Variants in PCDHGA12 observed in about 807,000 individuals in gnomAD.
The protein encoded by PCDHGA12 is protocadherin gamma-A12.
In PCDHGA12, 43 loss-of-function variants were observed where a neutral mutation model predicts 61.1. That is an observed-to-expected ratio of 0.70 (90% CI 0.55 to 0.91). The LOEUF (loss-of-function observed/expected upper bound fraction) is 0.91, where lower values mean the gene tolerates loss of function less well. PCDHGA12 is among the 40% of genes least tolerant of loss of function. The pLI, the probability that PCDHGA12 is intolerant of heterozygous loss-of-function variation, is 0.00. For missense variants in PCDHGA12, 1,236 were observed against 1,227.7 expected, an observed-to-expected ratio of 1.01 and a Z score of -0.10; for synonymous variants, 520 against 542.9, an observed-to-expected ratio of 0.96 and a Z score of 0.59.
intron 1 of PCDHGA12, among the ~76,000 whole-genome samples, chr5:141,472,497 G>A (rs1196427013): frequency 1.3e-5 from 2 of 151,958 alleles, no homozygotes; most frequent in Non-Finnish European, 2.9e-5. Context: ...ACGAGATCGT[G>A]CCACTGCACT....
chr5:141,465,979 G>A (rs779605313), intron 1 of PCDHGA12, among the ~76,000 whole-genome samples: 9 of 151,846 alleles, frequency 5.9e-5, no homozygotes, highest in Non-Finnish European at 1.3e-4. Flanking sequence ...AAAATTAGCC[G>A]GGCATGGTGG....
chr5:141,440,878 C>A (rs1359689557), intron 1 of PCDHGA12: 1 of 152,146 alleles, frequency 6.6e-6, no homozygotes, highest in Non-Finnish European at 1.5e-5. Context: ...TGTACAGCGT[C>A]GGCCTTCAGG....
In PCDHGA12 at chr5:141,510,980, G is replaced by A; in HGVS notation, c.2606G>A (p.Gly869Asp). The change falls in exon 4 of 4, where the codon GGT becomes GAT. Residue 869 changes from glycine (G) to aspartate (D), a missense_variant. Transcript: ENST00000252085. ...AADGSSTLGGGAGTMGLSARY... is the reference protein window; with the variant it reads ...AADGSSTLGGDAGTMGLSARY... ...GATGGGAGCTCCACCCTGGGAGGGG[G>A]TGCCGGCACCATGGGATTGAGCGCC... 1 of 1,614,170 alleles carries A rather than the reference G, an allele frequency of 6.2e-7. No homozygotes were observed.
At chr5:141,458,519 T>C (rs974750749) in intron 1 of PCDHGA12, among the ~76,000 whole-genome samples, 1 of 152,110 alleles carries the variant, frequency 6.6e-6, no homozygotes, top group Non-Finnish European at 1.5e-5. Context: ...CTTTGTTTTT[T>C]TTTTTAACTT....
chr5:141,487,340 G>A lies in PCDHGA12; in HGVS notation c.2425-7467G>A, dbSNP rs2099643329. 6.2e-7 allele frequency: 1 copy of A among 1,614,182 alleles called. No individual in the cohort carries two copies. Among genetic ancestry groups the A allele is most frequent in the Admixed American group, 1.7e-5 (1 of 60,024 alleles). The stretch of plus-strand genomic sequence containing the variant: ...GTGTCTTCGTGGGGCAGCCTGTGGA[G>A]TCACATGCTTTCCTGCTGGCACCTG... On this transcript the variant is annotated intron_variant, in intron 1 of 3. Coordinates refer to ENST00000252085, the MANE Select transcript of PCDHGA12 (RefSeq NM_003735.3). This position sits in a 1 kb window ranked among gnomAD's most constrained non-coding sequence, Gnocchi z 5.0.
At position 141,432,716 on chromosome 5, in the gene PCDHGA12, C is replaced by A; in HGVS notation, c.1957C>A (p.Pro653Thr). 6.2e-7 allele frequency: 1 copy of A among 1,614,030 alleles called. No individual in the cohort carries two copies. The highest frequency in any genetic ancestry group is 1.1e-5 in the South Asian group (1 of 91,084). ...GGCCGTCCAGGACCACGGCCAGCCC[C>A]CTCTCTCCGCCACTGTCACGCTCAC... ...VVAVQDHGQP[P>T]LSATVTLTVA... The change falls in exon 1 of 4, where the codon CCT (proline) becomes ACT (threonine). Residue 653 changes from proline to threonine, a missense_variant. Pro to Thr is a conservative substitution (Grantham distance 38). Transcript: ENST00000252085. This position sits in a 1 kb window ranked among gnomAD's most constrained non-coding sequence, Gnocchi z 6.0.
chr5:141,456,884 A>G (rs1448469695), intron 1 of PCDHGA12, among the ~76,000 whole-genome samples: 1 of 151,974 alleles, frequency 6.6e-6, no homozygotes, highest in East Asian at 1.9e-4. Flanking sequence ...AATCGCTTGA[A>G]CCCGGGAGGC....
chr5:141,459,506 A>G (rs1156362858), intron 1 of PCDHGA12, among the ~76,000 whole-genome samples: 1 of 152,236 alleles, frequency 6.6e-6, no homozygotes, highest in East Asian at 1.9e-4. Flanking sequence ...GATGTGAACA[A>G]TCATGTACAA....
chr5:141,481,689 C>T (rs1198127143), intron 1 of PCDHGA12, among the ~76,000 whole-genome samples: 1 of 152,102 alleles, frequency 6.6e-6, no homozygotes, highest in Non-Finnish European at 1.5e-5. Context: ...CCTGGTGGCT[C>T]ACGCCTGTAA....
At chr5:141,498,921 AG>A (rs1289139995) in intron 2 of PCDHGA12, among the ~76,000 whole-genome samples, 1 of 140,074 alleles carries the variant, frequency 7.1e-6, no homozygotes, top group Non-Finnish European at 1.6e-5. Flanking sequence ...TGACAGAGCG[AG>A]ACTCCATCAG....
chr5:141,489,348 G>T lies in PCDHGA12; in HGVS notation c.2425-5459G>T. On this transcript the variant is annotated intron_variant, in intron 1 of 3. Coordinates refer to ENST00000252085, the MANE Select transcript of PCDHGA12 (RefSeq NM_003735.3). The surrounding 1 kb of genome is among the most constrained non-coding windows in gnomAD (Gnocchi z 4.5). ...CTGGGCAGCTTCGTTACTCAGTGGT[G>T]GAGGAGTCTGAGCCGGGGACGCTGG... is the stretch of plus-strand genomic sequence containing the variant. 1 of 1,611,876 alleles carries T rather than the reference G, an allele frequency of 6.2e-7. No homozygotes were observed. The highest frequency in any genetic ancestry group is 8.5e-7 in the Non-Finnish European group (1 of 1,178,502).
chr5:141,432,763 C>T lies in PCDHGA12; in HGVS notation c.2004C>T (p.Ile668=). The T allele has an allele frequency of 6.2e-7, 1 of 1,614,152 alleles. No homozygotes were observed. The highest frequency in any genetic ancestry group is 8.5e-7 in the Non-Finnish European group (1 of 1,180,004). ...TCACCGTGGCCGTGGCCGACAGCAT[C>T]CCCCAAGTCCTGGCGGACCTCGGCA... ...VTLTVAVADS[I]PQVLADLGSL... The change falls in exon 1 of 4, where the codon ATC becomes ATT. Residue 668 remains isoleucine, a synonymous_variant. Transcript: ENST00000252085. This position sits in a 1 kb window ranked among gnomAD's most constrained non-coding sequence, Gnocchi z 6.0.
At chr5:141,441,920 A>G (rs1276085080) in intron 1 of PCDHGA12, 8 of 352,988 alleles carry the variant, frequency 2.3e-5, no homozygotes, top group East Asian at 8.9e-5. Context: ...GTGAGACACA[A>G]TGCGTGGCTG....
intron 3 of PCDHGA12, chr5:141,507,000 TGA>T (rs1235660361): frequency 1.3e-5 from 2 of 152,218 alleles, no homozygotes; most frequent in African/African-American, 4.8e-5. Flanking sequence ...ACTCGACAGA[TGA>T]GAGAACCGAG....
intron 1 of PCDHGA12, among the ~76,000 whole-genome samples, chr5:141,433,482 C>T (rs935076625): frequency 3.3e-5 from 5 of 152,110 alleles, no homozygotes; most frequent in African/African-American, 9.6e-5. Flanking sequence ...TAGCCTCCTG[C>T]TTCTCCCTCC....
intron 1 of PCDHGA12, chr5:141,478,453 C>T: frequency 6.2e-7 from 1 of 1,613,594 alleles, no homozygotes; most frequent in Non-Finnish European, 8.5e-7. Context: ...CTGGTGCAGC[C>T]AGTCCACTGG....
chr5:141,492,499 C>T (rs2099741220), intron 1 of PCDHGA12, among the ~76,000 whole-genome samples: 1 of 152,198 alleles, frequency 6.6e-6, no homozygotes. Context: ...GGCGAGGACT[C>T]CGGAGCCTCC....
intron 1 of PCDHGA12, among the ~76,000 whole-genome samples, chr5:141,461,054 T>C (rs984461416): frequency 6.6e-6 from 1 of 151,758 alleles, no homozygotes; most frequent in African/African-American, 2.4e-5. Context: ...GGGACTTAGG[T>C]TGGTTTCACA....
intron 2 of PCDHGA12, among the ~76,000 whole-genome samples, chr5:141,504,926 TGGTG>T (rs1312481961): frequency 1.3e-5 from 2 of 151,946 alleles, no homozygotes; most frequent in Non-Finnish European, 2.9e-5. Context: ...GGCTCTCTCA[TGGTG>T]GGTGGGGGAA....
Sources: allele counts gnomAD v4.1 joint callset (sites outside exome capture counted in the v4.1 genomes callset), GRCh38; gene constraint gnomAD v4.1.1; non-coding constraint Gnocchi (gnomAD v3.1); transcripts MANE v1.5; gene names NCBI Gene and HGNC (gene_info 2026-07-23, HGNC 2026-07-21).